Variants in PEDS1 observed in about 807,000 individuals in gnomAD.
PEDS1 encodes CarF homolog.
A neutral mutation model predicts 35.2 loss-of-function variants in PEDS1; 14 were observed. The ratio of observed to expected loss-of-function variants is 0.40; its 90% CI spans 0.26 to 0.62. The LOEUF (loss-of-function observed/expected upper bound fraction) is 0.62. Ranked by LOEUF, PEDS1 falls within the 20% of genes least tolerant of loss-of-function variation. The pLI is 0.44. For missense variants in PEDS1, 260 were observed against 367.8 expected, an observed-to-expected ratio of 0.71 and a Z score of 2.40; for synonymous variants, 152 against 152.0, an observed-to-expected ratio of 1.00 and a Z score of 0.00.
chr20:50,131,817 T>C (rs754674083), intron 2 of PEDS1, among the ~76,000 whole-genome samples: 2 of 152,166 alleles, frequency 1.3e-5, no homozygotes, highest in Non-Finnish European at 2.9e-5. Context: ...GAGGGTTCAG[T>C]AGATTTGGAC....
chr20:50,132,164 CT>C (rs1168346139), intron 2 of PEDS1, among the ~76,000 whole-genome samples: 2 of 152,142 alleles, frequency 1.3e-5, no homozygotes, highest in Non-Finnish European at 2.9e-5. Flanking sequence ...AGATCATGCA[CT>C]GCACTCCTGC....
At chr20:50,143,161 C>G (rs888935671) in intron 2 of PEDS1, among the ~76,000 whole-genome samples, 1 of 152,006 alleles carries the variant, frequency 6.6e-6, no homozygotes, top group Non-Finnish European at 1.5e-5. Flanking sequence ...ACAGCCCAGG[C>G]GGGAGAGGAT....
Position 50,134,669 on chromosome 20 carries a change from A to G in PEDS1, c.242-3722T>C, listed in dbSNP as rs557410301. Among the ~76,000 whole-genome samples, 3 of 152,298 alleles carry G rather than the reference A, an allele frequency of 2.0e-5. No individual in the cohort carries two copies. In the East Asian group the frequency reaches 5.8e-4, roughly 29 times the overall value. On this transcript the variant is annotated intron_variant, in intron 2 of 5. Coordinates refer to ENST00000371652, the MANE Select transcript of PEDS1 (RefSeq NM_199129.4). ...CAGAGTCCAGGTTCCTTGTTCCCCG[A>G]GTTCTGGGCTCCTGATGAGATGGGG...
chr20:50,125,051 G>T lies in PEDS1; in HGVS notation c.*7C>A. 1 of 1,613,420 alleles carries T rather than the reference G, an allele frequency of 6.2e-7. No individual in the cohort carries two copies. Among genetic ancestry groups the T allele is most frequent in the Admixed American group, 1.7e-5 (1 of 60,002 alleles). The stretch of plus-strand genomic sequence containing the variant: ...AGGTTGGCAACCAGGTAGCAGGCTC[G>T]GAGAAGTTATTTGATCTTCTGGGCC... On this transcript the variant is annotated 3_prime_UTR_variant, in exon 6 of 6. Transcript: ENST00000371652.
chr20:50,135,932 C>T (rs1268436397), intron 2 of PEDS1, among the ~76,000 whole-genome samples: 1 of 152,148 alleles, frequency 6.6e-6, no homozygotes, highest in African/African-American at 2.4e-5. Context: ...AGTATCCCAC[C>T]ATCTGGATGT....
chr20:50,141,060 C>T (rs1450723459), intron 2 of PEDS1, among the ~76,000 whole-genome samples: 6 of 152,204 alleles, frequency 3.9e-5, no homozygotes, highest in Admixed American at 1.3e-4. Flanking sequence ...GGACATCCAC[C>T]CTCCCAGCCT....
intron 3 of PEDS1, 94 bp downstream of exon 3, chr20:50,130,762 G>T: frequency 6.9e-7 from 1 of 1,448,004 alleles, no homozygotes; most frequent in African/African-American, 1.4e-5. Context: ...CCATCTTTCA[G>T]ATAGGGAAAC....
intron 1 of PEDS1, among the ~76,000 whole-genome samples, 180 bp from the exon 2 acceptor site, chr20:50,143,801 G>A: frequency 4.6e-5 from 7 of 151,656 alleles, no homozygotes; most frequent in Non-Finnish European, 7.4e-5. Flanking sequence ...AGGTTCAATC[G>A]ATTCTCCTGC....
chr20:50,153,655 G>C lies in PEDS1; in HGVS notation c.-18C>G. 3 of 1,225,312 alleles carry C rather than the reference G, an allele frequency of 2.4e-6. No individual in the cohort carries two copies. Among genetic ancestry groups the C allele is most frequent in the Non-Finnish European group, 3.1e-6 (3 of 983,208 alleles). The allele number at this position is 1,225,312 out of a possible 1,614,324, so 75.9% of individuals were successfully genotyped here. A position where few individuals can be genotyped will look rare whatever the true frequency, so the allele number is the denominator to read the frequency against. On this transcript the variant is annotated 5_prime_UTR_variant, in exon 1 of 6. Transcript: ENST00000371652. The stretch of plus-strand genomic sequence containing the variant: ...CCCGCCATGGCCACTCGCCCGATCG[G>C]CCCGGTGCGCTCTGCTGGCGGCGGC...
At position 50,151,401 on chromosome 20, in the gene PEDS1, G is replaced by A. The variant is rs908393994; in HGVS notation, c.121+2116C>T. ...ATCCCTGGGGAGGCTCAGAATGCCT[G>A]GGAATGATTTGGGCTGTCTGAAAGT... is the stretch of plus-strand genomic sequence containing the variant. On this transcript the variant is annotated intron_variant, in intron 1 of 5. Transcript: ENST00000371652. 4 of 840,322 alleles carry A rather than the reference G, an allele frequency of 4.8e-6. No homozygotes were observed. In the African/African-American group the frequency reaches 7.0e-5, roughly 15 times the overall value. 52.1% of individuals were successfully genotyped at this position (840,322 alleles called of 1,614,324 possible). A position where few individuals can be genotyped will look rare whatever the true frequency, so the allele number is the denominator to read the frequency against.
chr20:50,138,622 TAGGAGACC>T (rs998400978), intron 2 of PEDS1, among the ~76,000 whole-genome samples: 6 of 152,288 alleles, frequency 3.9e-5, no homozygotes, highest in Admixed American at 3.9e-4. Context: ...GGAATCATCT[TAGGAGACC>T]AGGAGCCCTC....
chr20:50,139,210 C>T (rs1237610459), intron 2 of PEDS1, among the ~76,000 whole-genome samples: 1 of 152,168 alleles, frequency 6.6e-6, no homozygotes, highest in Non-Finnish European at 1.5e-5. Flanking sequence ...CGGAAGGCTT[C>T]TCCCAAGGTC....
At chr20:50,131,191 G>C in intron 2 of PEDS1, 1 of 886,664 alleles carries the variant, frequency 1.1e-6, no homozygotes, top group Non-Finnish European at 1.8e-6. Flanking sequence ...GCATAAACTG[G>C]GCATGCTCAG....
chr20:50,129,494 G>A lies in PEDS1; in HGVS notation c.478+52C>T, dbSNP rs900073419. The stretch of plus-strand genomic sequence containing the variant: ...AAGCCCCAGAAGGCTCCTGGGGGTC[G>A]GCCTCTGCCCCCAAGGCCCCCTCCC... On this transcript the variant is annotated intron_variant, in intron 4 of 5. Coordinates refer to ENST00000371652, the MANE Select transcript of PEDS1 (RefSeq NM_199129.4). This position sits in a 1 kb window ranked among gnomAD's most constrained non-coding sequence, Gnocchi z 4.2. The A allele has an allele frequency of 1.4e-5, 23 of 1,609,200 alleles. No individual in the cohort carries two copies. Among genetic ancestry groups the A allele is most frequent in the African/African-American group, 4.0e-5 (3 of 74,804 alleles).
intron 2 of PEDS1, among the ~76,000 whole-genome samples, chr20:50,135,977 C>T (rs2081230071): frequency 6.6e-6 from 1 of 152,142 alleles, no homozygotes; most frequent in Non-Finnish European, 1.5e-5. Flanking sequence ...CCATGGTTGG[C>T]CATTTGGGCT....
intron 1 of PEDS1, chr20:50,151,269 T>C: frequency 7.7e-7 from 1 of 1,304,340 alleles, no homozygotes; most frequent in Non-Finnish European, 1.0e-6. Context: ...CCAGGCTGTC[T>C]GCAGACTCTG....
In PEDS1 at chr20:50,122,164, C is replaced by T. The variant is rs1217341527; in HGVS notation, c.*2894G>A. ...TCTCAACTCAAAGAGAAAAACAGAG[C>T]TTAGAGAGACCACGTTTTGATGAAT... On this transcript the variant is annotated 3_prime_UTR_variant, in exon 6 of 6. Transcript: ENST00000371652. The T allele has an allele frequency of 6.6e-6, 1 of 152,184 alleles. No individual in the cohort carries two copies. The highest frequency in any genetic ancestry group is 1.5e-5 in the Non-Finnish European group (1 of 68,048). The allele number at this position is 152,184 out of a possible 1,614,324, so 9.4% of individuals were successfully genotyped here. A position where few individuals can be genotyped will look rare whatever the true frequency, so the allele number is the denominator to read the frequency against.
At chr20:50,131,266 C>T (rs2147276615) in intron 2 of PEDS1, 1 of 612,598 alleles carries the variant, frequency 1.6e-6, no homozygotes, top group Non-Finnish European at 2.9e-6. Flanking sequence ...ATAAGGAAAG[C>T]CTGCTCTGCA....
chr20:50,153,688 G>C lies in PEDS1; in HGVS notation c.-51C>G, dbSNP rs1217352920. ...CGCTCTGCTGGCGGCGGCGGCGGCA[G>C]GGCCGCGGAACCGCGGCGAGATCAC... On this transcript the variant is annotated 5_prime_UTR_variant, in exon 1 of 6. Transcript: ENST00000371652. The C allele has an allele frequency of 8.4e-6, 10 of 1,197,426 alleles. No homozygotes were observed. The East Asian group carries it at 1.0e-4, about 12-fold the overall frequency. The allele number at this position is 1,197,426 out of a possible 1,614,324, so 74.2% of individuals were successfully genotyped here.
Sources: allele counts gnomAD v4.1 joint callset (sites outside exome capture counted in the v4.1 genomes callset), GRCh38; gene constraint gnomAD v4.1.1; non-coding constraint Gnocchi (gnomAD v3.1); transcripts MANE v1.5; gene names NCBI Gene and HGNC (gene_info 2026-07-23, HGNC 2026-07-21).